Variants in GRM7 observed in about 807,000 individuals in gnomAD.
The protein encoded by GRM7 is metabotropic glutamate receptor 7.
A neutral mutation model predicts 84.5 loss-of-function variants in GRM7; 35 were observed. The observed-to-expected ratio is 0.41, with a 90% CI of 0.32 to 0.55. The LOEUF is 0.55. GRM7 is among the 20% of genes least tolerant of loss of function. The probability of loss-of-function intolerance (pLI) is 0.19; values close to 1 mark genes in which losing one functional copy is unlikely to be tolerated. For missense variants in GRM7, 1,003 were observed against 1,194.6 expected (o/e 0.84, Z 2.36); for synonymous variants, 487 against 455.1 (o/e 1.07, Z -0.89).
chr3:6,861,165 G>T lies in GRM7; in HGVS notation c.-224G>T. On this transcript the variant is annotated 5_prime_UTR_variant, in exon 1 of 10. Coordinates refer to ENST00000357716, the MANE Select transcript of GRM7 (RefSeq NM_000844.4). The surrounding 1 kb of genome is among the most constrained non-coding windows in gnomAD (Gnocchi z 6.4). ...GCAGCAAGCCGGTGAGCGCGAGCGC[G>T]GCGCGCCGGCCGGCTAACCCGAGAG... is the stretch of plus-strand genomic sequence containing the variant. The T allele has an allele frequency of 4.6e-6, 2 of 435,628 alleles. No individual in the cohort carries two copies. The highest frequency in any genetic ancestry group is 8.0e-6 in the Non-Finnish European group (2 of 250,094). The allele number at this position is 435,628 out of a possible 1,614,324, so 27.0% of individuals were successfully genotyped here.
intron 9 of GRM7, chr3:7,680,603 T>A (rs1435448107): frequency 3.1e-6 from 1 of 321,746 alleles, no homozygotes; most frequent in Non-Finnish European, 5.8e-6. Flanking sequence ...AGGTTGTTCT[T>A]TTCTTGCACC....
chr3:7,006,420 C>A (rs1695184578), intron 1 of GRM7, among the ~76,000 whole-genome samples: 1 of 152,146 alleles, frequency 6.6e-6, no homozygotes, highest in Admixed American at 6.5e-5. Flanking sequence ...AGAGTAAATT[C>A]TTGTTAATGT....
intron 2 of GRM7, among the ~76,000 whole-genome samples, chr3:7,291,416 C>T (rs537082933): frequency 5.0e-4 from 76 of 151,242 alleles, no homozygotes; most frequent in African/African-American, 1.6e-3. Context: ...TTTGCTGTGG[C>T]CTAGTGGTGC....
chr3:7,089,887 G>C (rs1028771128), intron 1 of GRM7, among the ~76,000 whole-genome samples: 2 of 152,090 alleles, frequency 1.3e-5, no homozygotes, highest in Non-Finnish European at 2.9e-5. Flanking sequence ...CTGTCACCCA[G>C]GTTGGAGTAC....
chr3:6,872,615 C>T (rs1040039297), intron 1 of GRM7, among the ~76,000 whole-genome samples: 20 of 151,974 alleles, frequency 1.3e-4, no homozygotes, highest in African/African-American at 4.1e-4. Context: ...CTCCCTTAGC[C>T]CCCCCAACCC....
At chr3:7,410,357 A>G (rs55757352) in intron 4 of GRM7, among the ~76,000 whole-genome samples, 5,920 of 151,828 alleles carry the variant, frequency 0.039, 316 homozygotes, top group African/African-American at 0.12. Context: ...GATTGTTTGA[A>G]CCCAAGGGTT....
chr3:7,045,827 G>T (rs747590597), intron 1 of GRM7, among the ~76,000 whole-genome samples: 75 of 152,230 alleles, frequency 4.9e-4, no homozygotes, highest in Non-Finnish European at 9.1e-4. Context: ...TATGAATAAT[G>T]CTGCAATGCA....
At chr3:7,093,947 T>A (rs1159891526) in intron 1 of GRM7, among the ~76,000 whole-genome samples, 1 of 152,144 alleles carries the variant, frequency 6.6e-6, no homozygotes, top group African/African-American at 2.4e-5. Flanking sequence ...AAATTGCATA[T>A]GTATTTTTCT....
intron 2 of GRM7, among the ~76,000 whole-genome samples, chr3:7,230,405 G>A (rs1201008870): frequency 6.6e-6 from 1 of 152,116 alleles, no homozygotes; most frequent in Non-Finnish European, 1.5e-5. Flanking sequence ...GGTGTCATCT[G>A]TCAATAGCAG....
intron 8 of GRM7, among the ~76,000 whole-genome samples, chr3:7,661,794 C>CTAAAAAAAAAAAAAAAAAAAAAAAAAA (rs1699460807): frequency 3.5e-5 from 1 of 28,192 alleles, no homozygotes; most frequent in Non-Finnish European, 5.8e-5. Flanking sequence ...GTCTCCGTCT[C>CTAAAAAAAAAAAAAAAAAAAAAAAAAA]AAAAAAAAAA....
intron 4 of GRM7, among the ~76,000 whole-genome samples, chr3:7,347,717 C>G (rs1692953314): frequency 6.6e-6 from 1 of 152,122 alleles, no homozygotes; most frequent in South Asian, 2.1e-4. Context: ...TTATCGTCTT[C>G]ATTATTCTTT....
chr3:7,187,915 C>T (rs1695575335), intron 2 of GRM7, among the ~76,000 whole-genome samples: 2 of 152,094 alleles, frequency 1.3e-5, no homozygotes, highest in African/African-American at 2.4e-5. Flanking sequence ...AGTCCCACCT[C>T]CTACCTCAGT....
intron 1 of GRM7, among the ~76,000 whole-genome samples, chr3:7,125,204 G>A (rs1181370386): frequency 6.6e-6 from 1 of 152,144 alleles, no homozygotes; most frequent in East Asian, 1.9e-4. Flanking sequence ...CCTCCTAAGT[G>A]CTGGGATTAC....
At chr3:7,502,617 T>G (rs995516314) in intron 7 of GRM7, among the ~76,000 whole-genome samples, 3 of 152,140 alleles carry the variant, frequency 2.0e-5, no homozygotes, top group Non-Finnish European at 4.4e-5. Flanking sequence ...CACAGATGTA[T>G]GATTGCCCTA....
intron 1 of GRM7, among the ~76,000 whole-genome samples, chr3:7,124,420 C>T (rs1390113661): frequency 1.3e-5 from 2 of 152,154 alleles, no homozygotes; most frequent in Non-Finnish European, 2.9e-5. Context: ...GCAGGAGAAT[C>T]GCTTCAACCC....
intron 1 of GRM7, among the ~76,000 whole-genome samples, chr3:6,998,204 T>A (rs1234976988): frequency 7.1e-6 from 1 of 140,658 alleles, no homozygotes; most frequent in African/African-American, 2.6e-5. Context: ...CCATTCCAAA[T>A]GGGAGAAATT....
At chr3:7,040,187 A>C (rs973428019) in intron 1 of GRM7, among the ~76,000 whole-genome samples, 1 of 152,200 alleles carries the variant, frequency 6.6e-6, no homozygotes, top group African/African-American at 2.4e-5. Context: ...GAAATGTTCT[A>C]GTTCCAGCGT....
chr3:7,733,889 A>G (rs1702409038), intron 9 of GRM7, among the ~76,000 whole-genome samples: 1 of 152,180 alleles, frequency 6.6e-6, no homozygotes, highest in Non-Finnish European at 1.5e-5. Context: ...CATGGTCCAA[A>G]TCAATGCCCC....
At chr3:7,302,484 C>T (rs541809316) in intron 3 of GRM7, among the ~76,000 whole-genome samples, 124 of 152,058 alleles carry the variant, frequency 8.2e-4, no homozygotes, top group Non-Finnish European at 1.2e-3. Flanking sequence ...TCCTGTTTTA[C>T]TTGGCTTATC....
Sources: allele counts gnomAD v4.1 joint callset (sites outside exome capture counted in the v4.1 genomes callset), GRCh38; gene constraint gnomAD v4.1.1; non-coding constraint Gnocchi (gnomAD v3.1); transcripts MANE v1.5; gene names NCBI Gene and HGNC (gene_info 2026-07-23, HGNC 2026-07-21).